The following RFC3 variants were observed in gnomAD, a reference collection of about 807,000 sequenced individuals.
RFC3 encodes A1 38 kDa subunit.
Under a neutral mutation model 45.1 loss-of-function variants are expected in RFC3, and 41 were observed. That is an observed-to-expected ratio of 0.91 (90% CI 0.71 to 1.18). The LOEUF (loss-of-function observed/expected upper bound fraction) is 1.18. RFC3 is among the 50% of genes most tolerant of loss of function. The probability of loss-of-function intolerance (pLI) is 0.00; values close to 1 mark genes in which losing one functional copy is unlikely to be tolerated. For synonymous variants in RFC3, 149 were observed against 144.0 expected (o/e 1.03, Z -0.25); for missense variants, 423 against 428.1 (o/e 0.99, Z 0.10).
chr13:33,868,147 CAT>C (rs963629975), intron 8 of RFC3, among the ~76,000 whole-genome samples: 45 of 152,182 alleles, frequency 3.0e-4, no homozygotes, highest in African/African-American at 1.1e-3. Flanking sequence ...AAGTGAAGAA[CAT>C]ATGTGGATAT....
intron 8 of RFC3, among the ~76,000 whole-genome samples, chr13:33,877,583 T>A (rs1566012979): frequency 2.0e-5 from 3 of 152,056 alleles, no homozygotes. Context: ...CTACTTTGTC[T>A]GATGTTTTTT....
At chr13:33,842,363 C>T (rs1444767023), downstream of RFC3, among the ~76,000 whole-genome samples, 4 of 152,086 alleles carry the variant, frequency 2.6e-5, no homozygotes, top group Non-Finnish European at 5.9e-5. Flanking sequence ...TAATGTAATA[C>T]GATCTAATCT....
At chr13:33,909,041 G>A (rs2082688826) in intron 8 of RFC3, among the ~76,000 whole-genome samples, 1 of 151,974 alleles carries the variant, frequency 6.6e-6, no homozygotes, top group African/African-American at 2.4e-5. Context: ...CCAGAGTAAT[G>A]TTCTCCCAAA....
intron 8 of RFC3, among the ~76,000 whole-genome samples, chr13:33,938,131 A>G (rs192778646): frequency 7.0e-6 from 1 of 142,182 alleles, no homozygotes; most frequent in Non-Finnish European, 1.5e-5. Context: ...GGAATATTCT[A>G]GTAGCTAGGA....
At chr13:33,923,996 T>C (rs2082785903) in intron 8 of RFC3, among the ~76,000 whole-genome samples, 1 of 152,138 alleles carries the variant, frequency 6.6e-6, no homozygotes, top group Non-Finnish European at 1.5e-5. Flanking sequence ...AAAGCTTTCT[T>C]TGTCAGGGCT....
intron 8 of RFC3, among the ~76,000 whole-genome samples, chr13:33,930,347 C>G (rs1425136581): frequency 6.6e-6 from 1 of 152,120 alleles, no homozygotes; most frequent in East Asian, 1.9e-4. Flanking sequence ...GAAAGCCCCT[C>G]AGAAACCACT....
At chr13:33,853,947 G>A (rs551606107) in intron 8 of RFC3, among the ~76,000 whole-genome samples, 5 of 152,170 alleles carry the variant, frequency 3.3e-5, no homozygotes, top group Non-Finnish European at 5.9e-5. Flanking sequence ...CATTTCTTAC[G>A]TGAGTTTCCA....
chr13:33,867,532 C>A (rs1055640242), intron 8 of RFC3, among the ~76,000 whole-genome samples: 1 of 152,170 alleles, frequency 6.6e-6, no homozygotes, highest in African/African-American at 2.4e-5. Context: ...ATGATTGATT[C>A]TAACTGTCAG....
At chr13:33,820,850 C>CA (rs1426889503) in intron 1 of RFC3, among the ~76,000 whole-genome samples, 1 of 151,032 alleles carries the variant, frequency 6.6e-6, no homozygotes, top group African/African-American at 2.4e-5. Context: ...CATGTGCTGT[C>CA]ACGTATATAA....
At chr13:33,970,992 C>CT (rs1166196888), downstream of RFC3, among the ~76,000 whole-genome samples, 3 of 152,178 alleles carry the variant, frequency 2.0e-5, no homozygotes, top group Non-Finnish European at 4.4e-5. Flanking sequence ...CTTGACATCT[C>CT]TGAGATAGAA....
intron 8 of RFC3, among the ~76,000 whole-genome samples, chr13:33,958,557 G>A (rs12869423): frequency 0.054 from 8,217 of 152,274 alleles, 310 homozygotes; most frequent in Middle Eastern, 0.1. Flanking sequence ...CTTTGGAAAC[G>A]TACTCTATGC....
chr13:33,908,130 T>C (rs1374612745), intron 8 of RFC3, among the ~76,000 whole-genome samples: 3 of 152,010 alleles, frequency 2.0e-5, no homozygotes, highest in Non-Finnish European at 4.4e-5. Flanking sequence ...CAAAATATTT[T>C]CATTAATAAG....
chr13:33,915,867 C>T (rs9598296), intron 8 of RFC3, among the ~76,000 whole-genome samples: 3,546 of 152,136 alleles, frequency 0.023, 118 homozygotes, highest in African/African-American at 0.081. Context: ...GGTGCGATCT[C>T]GGCTCATTGC....
At chr13:33,964,569 C>G (rs374190342) in intron 8 of RFC3, among the ~76,000 whole-genome samples, 57 of 152,336 alleles carry the variant, frequency 3.7e-4, no homozygotes, top group African/African-American at 1.3e-3. Flanking sequence ...CCGTCTCCTC[C>G]TGAGACAAAA....
intron 8 of RFC3, among the ~76,000 whole-genome samples, chr13:33,950,067 C>T (rs1381004060): frequency 3.5e-5 from 3 of 84,956 alleles, no homozygotes; most frequent in South Asian, 5.0e-4. Flanking sequence ...CTCTCTCTCT[C>T]GCTCTACACA....
chr13:33,842,285 C>G (rs1385472879), downstream of RFC3, among the ~76,000 whole-genome samples: 1 of 149,854 alleles, frequency 6.7e-6, no homozygotes, highest in East Asian at 1.9e-4. Flanking sequence ...AAGAGCCTGT[C>G]TCAGGAAAAA....
At chr13:33,845,918 T>C (rs894858738) in intron 8 of RFC3, among the ~76,000 whole-genome samples, 2 of 152,194 alleles carry the variant, frequency 1.3e-5, no homozygotes, top group Non-Finnish European at 2.9e-5. Flanking sequence ...TGGGAAGGCA[T>C]TCCAAGTGTT....
At chr13:33,977,317 A>T in the RFC3 span, among the ~76,000 whole-genome samples, 1 of 152,142 alleles carries the variant, frequency 6.6e-6, no homozygotes, top group Non-Finnish European at 1.5e-5. Context: ...TATATATGAG[A>T]ATGCTCTGTT....
intron 8 of RFC3, among the ~76,000 whole-genome samples, chr13:33,927,631 GC>G (rs937477153): frequency 2.6e-5 from 4 of 152,144 alleles, no homozygotes; most frequent in Non-Finnish European, 5.9e-5. Context: ...CTGTGTGAGA[GC>G]CCTCCCATCA....
Sources: gnomAD v4.1 joint callset for allele counts (sites outside exome capture counted in the v4.1 genomes callset) on GRCh38, gnomAD v4.1.1 for gene constraint, MANE v1.5 for transcripts, NCBI Gene and HGNC (gene_info 2026-07-23, HGNC 2026-07-21) for gene names.